The following SI variants were observed in gnomAD, a reference collection of about 807,000 sequenced individuals.
SI encodes the protein sucrase-isomaltase, intestinal.
In SI, 235 loss-of-function variants were observed where a neutral mutation model predicts 253.3. That is an observed-to-expected ratio of 0.93 (90% CI 0.83 to 1.03). The LOEUF is 1.03. Ranked by LOEUF, SI falls within the 50% of genes least tolerant of loss-of-function variation. The pLI is 0.00. For missense variants in SI, 2,442 were observed against 2,211.1 expected (o/e 1.10, Z -2.09); for synonymous variants, 819 against 712.0 (o/e 1.15, Z -2.39).
chr3:165,027,061 T>C (rs1050891448), intron 25 of SI, among the ~76,000 whole-genome samples: 1 of 151,256 alleles, frequency 6.6e-6, no homozygotes, highest in African/African-American at 2.4e-5. Flanking sequence ...ATAAAATTCA[T>C]AGATCATTAG....
At chr3:164,999,996 T>C (rs973668890) in intron 37 of SI, among the ~76,000 whole-genome samples, 2 of 151,402 alleles carry the variant, frequency 1.3e-5, no homozygotes, top group African/African-American at 4.8e-5. Flanking sequence ...CTTTTAAATA[T>C]ACATTACATA....
intron 37 of SI, among the ~76,000 whole-genome samples, chr3:165,005,342 CT>C (rs949750716): frequency 3.9e-5 from 6 of 151,918 alleles, no homozygotes; most frequent in African/African-American, 2.4e-5. Flanking sequence ...AAAAAAAACC[CT>C]AAAAGTGTAA....
the SI span, among the ~76,000 whole-genome samples, chr3:165,087,865 G>A: frequency 5.3e-5 from 8 of 152,222 alleles, no homozygotes; most frequent in Admixed American, 2.0e-4. Flanking sequence ...TGATTAAAAT[G>A]TATTGAGGCA....
intron 21 of SI, 66 bp from the exon 22 acceptor site, chr3:165,036,543 A>G (rs1375138303): frequency 1.8e-6 from 2 of 1,102,890 alleles, no homozygotes; most frequent in Non-Finnish European, 2.8e-6. Flanking sequence ...TATCCTATAA[A>G]CAAGTCCACT....
intron 3 of SI, 175 bp downstream of exon 3, chr3:165,074,355 CA>C: frequency 2.8e-6 from 1 of 354,404 alleles, no homozygotes; most frequent in African/African-American, 2.1e-5. Context: ...TAAAGGAAAG[CA>C]AGGTCAGTAA....
At chr3:165,085,329 T>C in the SI span, among the ~76,000 whole-genome samples, 10 of 152,212 alleles carry the variant, frequency 6.6e-5, no homozygotes, top group Non-Finnish European at 7.4e-5. Flanking sequence ...AAGCAGTCTC[T>C]ATGAGTAAGC....
chr3:164,984,213 G>A (rs1310446061), intron 45 of SI, among the ~76,000 whole-genome samples: 2 of 151,988 alleles, frequency 1.3e-5, no homozygotes, highest in African/African-American at 4.8e-5. Context: ...TCAAATAAAA[G>A]AAGTATTGGG....
At chr3:164,991,970 C>T (rs1717754821) in intron 43 of SI, among the ~76,000 whole-genome samples, 1 of 152,046 alleles carries the variant, frequency 6.6e-6, no homozygotes. Context: ...TAAAATAAAT[C>T]AATGACTACA....
intron 47 of SI, among the ~76,000 whole-genome samples, chr3:164,981,479 A>T (rs1156487908): frequency 2.0e-5 from 3 of 152,126 alleles, no homozygotes; most frequent in African/African-American, 7.2e-5. Flanking sequence ...AGTTCATCTA[A>T]AGTGACTGAT....
rs970596981 is a variant in SI at position 165,046,865 on chromosome 3, C to T, written c.1863G>A (p.Glu621=). The T allele has an allele frequency of 3.1e-6, 5 of 1,612,982 alleles. No individual in the cohort carries two copies. The East Asian group carries it at 6.7e-5, about 22-fold the overall frequency. The part of the protein sequence containing the change: ...QMEWSITGML[E]FSLFGIPLVG... ...CCAAAGGTATTCCAAACAAACTGAA[C>T]TCCAGCATTCCAGTTATAGACCATT... The change falls in exon 16 of 48, where the codon GAG becomes GAA. Residue 621 remains glutamate, a synonymous_variant. Coordinates refer to ENST00000264382, the MANE Select transcript of SI (RefSeq NM_001041.4).
At chr3:164,986,002 T>C (rs1208600352) in intron 45 of SI, among the ~76,000 whole-genome samples, 1 of 151,852 alleles carries the variant, frequency 6.6e-6, no homozygotes, top group Non-Finnish European at 1.5e-5. Flanking sequence ...AATTAAAATA[T>C]ATCTCCTCAT....
Position 165,063,503 on chromosome 3 carries a change from C to T in SI, c.846G>A (p.Met282Ile). 6.4e-7 allele frequency: 1 copy of T among 1,556,602 alleles called. No individual in the cohort carries two copies. Among genetic ancestry groups the T allele is most frequent in the Non-Finnish European group, 8.8e-7 (1 of 1,135,626 alleles). Residue 282 changes from methionine (M) to isoleucine (I), a missense_variant, in exon 8 of 48, where the codon ATG (methionine) becomes ATA (isoleucine). Met to Ile is a conservative substitution (Grantham distance 10). Coordinates refer to ENST00000264382, the MANE Select transcript of SI (RefSeq NM_001041.4). ...ACTTTCCAGATGTATCTTCAATACA[C>T]ATAAAGAATGTTTGATGGCCGTATA... ...NNLYGHQTFF[M>I]CIEDTSGKSF... is the part of the protein sequence containing the mutation.
At chr3:164,990,998 A>G (rs1160881781) in intron 44 of SI, among the ~76,000 whole-genome samples, 2 of 151,852 alleles carry the variant, frequency 1.3e-5, no homozygotes, top group African/African-American at 4.8e-5. Context: ...ATTTTTTTTG[A>G]AGCAAATAAT....
intron 9 of SI, among the ~76,000 whole-genome samples, chr3:165,061,893 C>T (rs1576917170): frequency 6.6e-6 from 1 of 151,888 alleles, no homozygotes; most frequent in Non-Finnish European, 1.5e-5. Context: ...CTTCTGAAGT[C>T]CCCAGGATAA....
Position 165,032,505 on chromosome 3 carries a change from T to A in SI, c.2736+17A>T. The A allele has an allele frequency of 6.5e-7, 1 of 1,542,634 alleles. No individual in the cohort carries two copies. On this transcript the variant is annotated intron_variant, in intron 24 of 47. Transcript: ENST00000264382. ...AGATTATATGATAGCTAAAATATTT[T>A]AAAAGATTGTAATTACCTGGTTAGA...
At chr3:165,021,999 C>A (rs1475898764) in intron 26 of SI, among the ~76,000 whole-genome samples, 2 of 151,464 alleles carry the variant, frequency 1.3e-5, no homozygotes, top group Non-Finnish European at 3.0e-5. Flanking sequence ...GAGGTTTCAT[C>A]TTTTTCTACA....
intron 12 of SI, among the ~76,000 whole-genome samples, chr3:165,057,319 A>G (rs1394438470): frequency 6.6e-6 from 1 of 151,938 alleles, no homozygotes; most frequent in Non-Finnish European, 1.5e-5. Context: ...ATAAAAAACA[A>G]TGAAGCATGG....
Position 165,044,395 on chromosome 3 carries a change from G to A in SI, c.1888-1220C>T, listed in dbSNP as rs114038847. On this transcript the variant is annotated intron_variant, in intron 16 of 47. Transcript: ENST00000264382. ...CATTTGCAAGCACTATATAGCACAC[G>A]AAGATTCCCCTTCTTCATTTTCTTG... Among the ~76,000 whole-genome samples, 316 of 152,006 alleles carry A rather than the reference G, an allele frequency of 2.1e-3. 1 individual carries two copies. Among genetic ancestry groups the A allele is most frequent in the African/African-American group, 6.8e-3 (282 of 41,536 alleles).
intron 32 of SI, among the ~76,000 whole-genome samples, chr3:165,015,504 T>C: frequency 6.6e-6 from 1 of 152,214 alleles, no homozygotes; most frequent in Middle Eastern, 3.4e-3. Flanking sequence ...TGGTGAGATA[T>C]CTGGCTAACT....
Sources: allele counts gnomAD v4.1 joint callset (sites outside exome capture counted in the v4.1 genomes callset), GRCh38; gene constraint gnomAD v4.1.1; transcripts MANE v1.5; gene names NCBI Gene and HGNC (gene_info 2026-07-23, HGNC 2026-07-21).